LINGO2: variants seen among roughly 807,000 people sequenced by gnomAD.
LINGO2 encodes the protein leucine rich repeat and Ig domain containing 2.
LINGO2 carries 14 observed loss-of-function variants against 30.6 expected under a neutral mutation model. The observed-to-expected ratio is 0.46, with a 90% confidence interval of 0.30 to 0.72. The LOEUF (loss-of-function observed/expected upper bound fraction) is 0.72. Among genes scored for constraint, LINGO2 ranks in the 30% least tolerant of loss-of-function variants. The pLI, the probability that LINGO2 is intolerant of heterozygous loss-of-function variation, is 0.07. For synonymous variants in LINGO2, 317 were observed against 288.5 expected (o/e 1.10, Z -1.00); for missense variants, 729 against 751.7 (o/e 0.97, Z 0.35).
the LINGO2 span, among the ~76,000 whole-genome samples, chr9:28,740,329 A>G: frequency 6.6e-6 from 1 of 151,734 alleles, no homozygotes; most frequent in Non-Finnish European, 1.5e-5. Flanking sequence ...GTTTCTATTC[A>G]TTATGAAAAA....
intron 3 of LINGO2, among the ~76,000 whole-genome samples, chr9:28,314,256 T>A (rs970224211): frequency 1.3e-5 from 2 of 152,204 alleles, no homozygotes; most frequent in African/African-American, 4.8e-5. Flanking sequence ...TTGATCTTTT[T>A]AAGTCCTATA....
intron 1 of LINGO2, among the ~76,000 whole-genome samples, chr9:28,583,440 T>C (rs979454643): frequency 6.6e-6 from 1 of 152,056 alleles, no homozygotes; most frequent in Non-Finnish European, 1.5e-5. Context: ...CAAGTTATCA[T>C]ACTTCAGAAA....
the LINGO2 span, among the ~76,000 whole-genome samples, chr9:28,774,041 TACACACACACACACACAC>T: frequency 4.8e-5 from 7 of 146,892 alleles, no homozygotes; most frequent in East Asian, 2.0e-4. Flanking sequence ...TTCTTTTTGA[TACACACACACACACACAC>T]ACACACACAC....
the LINGO2 span, among the ~76,000 whole-genome samples, chr9:28,994,791 G>A: frequency 2.6e-4 from 39 of 152,144 alleles, no homozygotes; most frequent in Admixed American, 2.6e-4. Context: ...TTTAATAAAT[G>A]GTCCTGGGAA....
chr9:28,735,910 A>T, the LINGO2 span, among the ~76,000 whole-genome samples: 6 of 152,330 alleles, frequency 3.9e-5, no homozygotes, highest in South Asian at 1.2e-3. Context: ...CTTACTGTTT[A>T]TAGTCATACA....
intron 1 of LINGO2, among the ~76,000 whole-genome samples, chr9:28,624,818 C>A (rs998385109): frequency 6.6e-6 from 1 of 151,104 alleles, no homozygotes. Flanking sequence ...TGTCTGGTGC[C>A]CTTACTCTAC....
At chr9:28,228,520 A>G (rs911321591) in intron 4 of LINGO2, among the ~76,000 whole-genome samples, 2 of 152,038 alleles carry the variant, frequency 1.3e-5, no homozygotes, top group Admixed American at 1.3e-4. Context: ...AAAAGATATT[A>G]TTTCTGTTAA....
intron 1 of LINGO2, among the ~76,000 whole-genome samples, chr9:28,635,597 C>T (rs940035806): frequency 1.3e-5 from 2 of 151,994 alleles, no homozygotes; most frequent in African/African-American, 2.4e-5. Flanking sequence ...AAGCTATCAA[C>T]ATCTGGAATT....
intron 2 of LINGO2, among the ~76,000 whole-genome samples, chr9:28,383,058 C>T (rs541347171): frequency 4.6e-5 from 7 of 152,050 alleles, no homozygotes; most frequent in Middle Eastern, 3.4e-3. Context: ...CTGTGCTAAG[C>T]CCAATCCAGA....
rs74553514 is a variant in LINGO2, at chr9:28,059,421, C to T, written c.-86-47016G>A. On this transcript the variant is annotated intron_variant, in intron 4 of 5. Coordinates refer to ENST00000379992, the Ensembl canonical transcript of LINGO2. The stretch of plus-strand genomic sequence containing the variant: ...CTTTTTCTCAATCCTTTGACTCCGC[C>T]GGTCTTTGTCCACCCGCACGACTTG... 6.6e-3 allele frequency among the ~76,000 whole-genome samples: 1,003 copies of T among 152,150 alleles called. 14 individuals are homozygous for T. The highest frequency in any genetic ancestry group is 0.022 in the African/African-American group (918 of 41,506).
chr9:28,819,648 G>A, the LINGO2 span, among the ~76,000 whole-genome samples: 11 of 152,112 alleles, frequency 7.2e-5, no homozygotes, highest in African/African-American at 2.2e-4. Flanking sequence ...AGACTGCAAG[G>A]GCCTAATGAG....
In LINGO2 at chr9:28,586,395, G is replaced by A. The variant is rs144445952; in HGVS notation, c.-365+83805C>T. ...AATTTTTATAGTTTATTAATTTTAG[G>A]CATTGAATTTGACCTCTTACCATAA... is the stretch of plus-strand genomic sequence containing the variant. On this transcript the variant is annotated intron_variant, in intron 1 of 5. Coordinates refer to ENST00000379992, the Ensembl canonical transcript of LINGO2. Among the ~76,000 whole-genome samples the A allele has an allele frequency of 5.9e-3, 895 of 151,794 alleles. 11 individuals carry two copies. Among genetic ancestry groups the A allele is most frequent in the African/African-American group, 0.021 (864 of 41,408 alleles).
the LINGO2 span, among the ~76,000 whole-genome samples, chr9:28,917,208 A>G: frequency 6.6e-6 from 1 of 152,204 alleles, no homozygotes; most frequent in Non-Finnish European, 1.5e-5. Context: ...AAATAAAATA[A>G]TAACTAAAAA....
At chr9:28,240,753 T>C (rs978471493) in intron 4 of LINGO2, among the ~76,000 whole-genome samples, 1 of 152,056 alleles carries the variant, frequency 6.6e-6, no homozygotes, top group South Asian at 2.1e-4. Context: ...TTGAGTAATA[T>C]CCCACAAGCA....
At chr9:28,402,977 C>A (rs1822334790) in intron 2 of LINGO2, among the ~76,000 whole-genome samples, 1 of 152,180 alleles carries the variant, frequency 6.6e-6, no homozygotes, top group Non-Finnish European at 1.5e-5. Context: ...AGTTACTAGG[C>A]TTTTCAATGC....
At chr9:28,219,132 A>G (rs1221367304) in intron 4 of LINGO2, among the ~76,000 whole-genome samples, 1 of 152,182 alleles carries the variant, frequency 6.6e-6, no homozygotes, top group African/African-American at 2.4e-5. Context: ...ATCATTCCTT[A>G]GTGGCCCTAT....
the LINGO2 span, among the ~76,000 whole-genome samples, chr9:28,992,484 G>A: frequency 6.6e-6 from 1 of 151,400 alleles, no homozygotes; most frequent in African/African-American, 2.4e-5. Context: ...GGATACCCAG[G>A]AATTGAACTC....
the LINGO2 span, among the ~76,000 whole-genome samples, chr9:29,164,908 A>C: frequency 6.6e-6 from 1 of 152,130 alleles, no homozygotes; most frequent in Non-Finnish European, 1.5e-5. Flanking sequence ...ATAGTAGGGT[A>C]TTTTAATCAA....
chr9:28,513,779 G>A (rs2135375108), intron 1 of LINGO2, among the ~76,000 whole-genome samples: 1 of 152,224 alleles, frequency 6.6e-6, no homozygotes, highest in African/African-American at 2.4e-5. Context: ...AAGAAGCTTA[G>A]AGGTTGATAA....
Sources: allele counts gnomAD v4.1 joint callset (sites outside exome capture counted in the v4.1 genomes callset), GRCh38; gene constraint gnomAD v4.1.1; transcripts MANE v1.5; gene names NCBI Gene and HGNC (gene_info 2026-07-23, HGNC 2026-07-21).